The following NSMCE2 variants were observed in gnomAD, a reference collection of about 807,000 sequenced individuals.
NSMCE2 encodes the protein NSE2 SUMO ligase component of SMC5/6 complex, also known as E3 SUMO-protein ligase NSE2.
Under a neutral mutation model 23.8 loss-of-function variants are expected in NSMCE2, and 24 were observed. The observed-to-expected ratio is 1.01, with a 90% CI of 0.73 to 1.42. The LOEUF (loss-of-function observed/expected upper bound fraction) is 1.42, where lower values mean the gene tolerates loss of function less well. NSMCE2 is among the 40% of genes most tolerant of loss of function. The probability of loss-of-function intolerance (pLI) is 0.00; values close to 1 mark genes in which losing one functional copy is unlikely to be tolerated. For synonymous variants in NSMCE2, 92 were observed against 94.1 expected, an observed-to-expected ratio of 0.98 and a Z score of 0.13; for missense variants, 284 against 296.5, an observed-to-expected ratio of 0.96 and a Z score of 0.31.
intron 5 of NSMCE2, among the ~76,000 whole-genome samples, chr8:125,327,732 G>A (rs1159753926): frequency 6.6e-6 from 1 of 151,968 alleles, no homozygotes; most frequent in Non-Finnish European, 1.5e-5. Flanking sequence ...GGTTTGACCT[G>A]AAGTACTCCA....
chr8:125,098,089 A>C (rs1176935814), intron 1 of NSMCE2, among the ~76,000 whole-genome samples: 1 of 152,158 alleles, frequency 6.6e-6, no homozygotes, highest in African/African-American at 2.4e-5. Context: ...GGATCAGCAA[A>C]ATCTACATTA....
At chr8:125,250,942 T>G (rs1456475335) in intron 5 of NSMCE2, among the ~76,000 whole-genome samples, 1 of 152,246 alleles carries the variant, frequency 6.6e-6, no homozygotes, top group Non-Finnish European at 1.5e-5. Context: ...AAATCTTTAC[T>G]AGGTGACAGT....
intron 5 of NSMCE2, among the ~76,000 whole-genome samples, chr8:125,234,297 G>A (rs1825452708): frequency 6.6e-6 from 1 of 152,142 alleles, no homozygotes; most frequent in South Asian, 2.1e-4. Flanking sequence ...GAGAAGAAAT[G>A]AACAAATACA....
intron 5 of NSMCE2, among the ~76,000 whole-genome samples, chr8:125,326,281 A>G (rs573153252): frequency 5.3e-5 from 8 of 152,272 alleles, no homozygotes; most frequent in African/African-American, 1.7e-4. Context: ...TAAATAATAA[A>G]AATAAAAATC....
intron 5 of NSMCE2, among the ~76,000 whole-genome samples, chr8:125,291,742 CA>C (rs1828113144): frequency 6.6e-6 from 1 of 152,092 alleles, no homozygotes; most frequent in Admixed American, 6.6e-5. Flanking sequence ...ATAGTGTTTC[CA>C]GAACTATTCT....
intron 5 of NSMCE2, among the ~76,000 whole-genome samples, chr8:125,275,717 G>A (rs186978798): frequency 2.0e-5 from 3 of 152,262 alleles, no homozygotes; most frequent in East Asian, 1.9e-4. Flanking sequence ...TTTCGATGCC[G>A]TATGAGGTGT....
chr8:125,265,159 A>ATT (rs34556365), intron 5 of NSMCE2, among the ~76,000 whole-genome samples: 30 of 150,388 alleles, frequency 2.0e-4, no homozygotes, highest in Middle Eastern at 6.8e-3. Context: ...GCTTTATTTA[A>ATT]TTTTTTTTTG....
chr8:125,111,844 T>G (rs1040378569), intron 3 of NSMCE2, among the ~76,000 whole-genome samples: 1 of 152,198 alleles, frequency 6.6e-6, no homozygotes, highest in African/African-American at 2.4e-5. Flanking sequence ...ATTGGATATG[T>G]CAATACAACT....
chr8:125,195,879 C>CTTTTTTTTTTTT (rs34687223), intron 5 of NSMCE2, among the ~76,000 whole-genome samples: 2 of 83,626 alleles, frequency 2.4e-5, no homozygotes, highest in Non-Finnish European at 2.1e-5. Context: ...TCCTGAATAA[C>CTTTTTTTTTTTT]TTTTTTTTTT....
chr8:125,321,744 C>T (rs1474345635), intron 5 of NSMCE2, among the ~76,000 whole-genome samples: 1 of 152,164 alleles, frequency 6.6e-6, no homozygotes. Context: ...CATTTGAAAA[C>T]TAATCTGTAT....
chr8:125,226,642 TGA>T (rs1195118437), intron 5 of NSMCE2, among the ~76,000 whole-genome samples: 2 of 152,122 alleles, frequency 1.3e-5, no homozygotes, highest in Non-Finnish European at 2.9e-5. Context: ...GCCACTTGTC[TGA>T]GAGGGAGTGG....
chr8:125,182,648 T>G (rs1279433961), intron 5 of NSMCE2: 2 of 262,356 alleles, frequency 7.6e-6, no homozygotes, highest in Non-Finnish European at 1.4e-5. Context: ...TTTTGCCTCT[T>G]TGGAGTAATA....
chr8:125,364,864 C>G (rs755941117), intron 7 of NSMCE2, among the ~76,000 whole-genome samples: 6 of 152,164 alleles, frequency 3.9e-5, no homozygotes, highest in Non-Finnish European at 8.8e-5. Flanking sequence ...TGTGAATTGC[C>G]TGTGGTCTCA....
At chr8:125,149,284 G>GATAGTCTATGAAATATACT (rs1168194259) in intron 3 of NSMCE2, among the ~76,000 whole-genome samples, 9 of 152,296 alleles carry the variant, frequency 5.9e-5, no homozygotes, top group Admixed American at 2.0e-4. Flanking sequence ...TAACCCAGGA[G>GATAGTCTATGAAATATACT]ATAGTCTATG....
chr8:125,200,787 C>G (rs1823837215), intron 5 of NSMCE2, among the ~76,000 whole-genome samples: 1 of 152,214 alleles, frequency 6.6e-6, no homozygotes, highest in African/African-American at 2.4e-5. Context: ...TGGTACCATA[C>G]TCCCTGTCAC....
chr8:125,252,488 T>C (rs928100929), intron 5 of NSMCE2, among the ~76,000 whole-genome samples: 14 of 152,172 alleles, frequency 9.2e-5, no homozygotes, highest in African/African-American at 3.4e-4. Flanking sequence ...ATCCCGCCAC[T>C]GCACTCCAGC....
intron 3 of NSMCE2, among the ~76,000 whole-genome samples, chr8:125,127,933 T>C (rs1819589903): frequency 1.3e-5 from 2 of 152,236 alleles, no homozygotes; most frequent in Non-Finnish European, 2.9e-5. Context: ...AGGTTTGTGT[T>C]AAGTACTTAT....
In NSMCE2 at chr8:125,181,598, G is replaced by A. The variant is rs146080084; in HGVS notation, c.265-505G>A. Among the ~76,000 whole-genome samples the A allele has an allele frequency of 9.9e-5, 15 of 152,192 alleles. No individual in the cohort carries two copies. The East Asian group carries it at 2.7e-3, about 27-fold the overall frequency. ...ATTTAGCCTTGAACAGAACCAGGGG[G>A]CACTTATTCCTTGGCATGGCAGGAC... On this transcript the variant is annotated intron_variant, in intron 4 of 7. Transcript: ENST00000287437.
chr8:125,313,555 C>T (rs1456354327), intron 5 of NSMCE2, among the ~76,000 whole-genome samples: 3 of 152,176 alleles, frequency 2.0e-5, no homozygotes, highest in Admixed American at 6.5e-5. Context: ...AAGAGAAGGA[C>T]CTCACGACTT....
Sources: allele counts gnomAD v4.1 joint callset (sites outside exome capture counted in the v4.1 genomes callset), GRCh38; gene constraint gnomAD v4.1.1; transcripts MANE v1.5; gene names NCBI Gene and HGNC (gene_info 2026-07-23, HGNC 2026-07-21).